The following C9 variants were observed in gnomAD, a reference collection of about 807,000 sequenced individuals.
C9 encodes the protein complement C9.
In C9, 63 loss-of-function variants were observed where a neutral mutation model predicts 65.4. The ratio of observed to expected loss-of-function variants is 0.96; its 90% CI spans 0.79 to 1.19. The LOEUF (loss-of-function observed/expected upper bound fraction) is 1.19, where lower values mean the gene tolerates loss of function less well. Among genes scored for constraint, C9 ranks in the 50% most tolerant of loss-of-function variants. The pLI is 0.00. For synonymous variants in C9, 229 were observed against 227.9 expected (o/e 1.00, Z -0.04); for missense variants, 744 against 670.1 (o/e 1.11, Z -1.22).
At chr5:39,316,289 T>C (rs1753568327) in intron 5 of C9, among the ~76,000 whole-genome samples, 2 of 152,174 alleles carry the variant, frequency 1.3e-5, no homozygotes, top group African/African-American at 2.4e-5. Flanking sequence ...AGCACAAAGG[T>C]TCTTATAAAA....
At chr5:39,313,995 A>G (rs533728250) in intron 6 of C9, among the ~76,000 whole-genome samples, 6 of 152,216 alleles carry the variant, frequency 3.9e-5, no homozygotes, top group Non-Finnish European at 7.4e-5. Context: ...GTTTGACTCT[A>G]TAATTGTCCT....
At chr5:39,362,163 A>C (rs534552577) in intron 1 of C9, among the ~76,000 whole-genome samples, 1 of 152,166 alleles carries the variant, frequency 6.6e-6, no homozygotes, top group Non-Finnish European at 1.5e-5. Flanking sequence ...AGGTATGTTG[A>C]AGTCCTAACC....
intron 1 of C9, among the ~76,000 whole-genome samples, chr5:39,350,234 G>A (rs1189816747): frequency 6.6e-6 from 1 of 152,136 alleles, no homozygotes; most frequent in Non-Finnish European, 1.5e-5. Flanking sequence ...TCCATCATGA[G>A]AACAGCAAAA....
rs927077629 is a variant in C9 at position 39,306,089 on chromosome 5, G to A, written c.1416+528C>T. On this transcript the variant is annotated intron_variant, in intron 9 of 10. Transcript: ENST00000263408. ...GAGGCATGAGAATCACTTGAACTCG[G>A]AAGGCGGAGGTTGCAGTGAGCTGAG... Among the ~76,000 whole-genome samples, 31 of 150,254 alleles carry A rather than the reference G, an allele frequency of 2.1e-4. 1 individual carries two copies. Among genetic ancestry groups the A allele is most frequent in the African/African-American group, 7.4e-4 (30 of 40,558 alleles).
intron 9 of C9, among the ~76,000 whole-genome samples, chr5:39,291,561 G>T: frequency 6.6e-6 from 1 of 151,624 alleles, no homozygotes; most frequent in East Asian, 1.9e-4. Context: ...AAAACAACAA[G>T]ATATCTTATG....
Position 39,334,755 on chromosome 5 carries a change from C to T in C9, c.477-2941G>A, listed in dbSNP as rs577169984. On this transcript the variant is annotated intron_variant, in intron 4 of 10. Coordinates refer to ENST00000263408, the MANE Select transcript of C9 (RefSeq NM_001737.5). ...CCGGGAGGTGAGGGGCGCCTCTGCCCGGCCGCCCCTACTGGGAAGTGAGGA... is the reference window on the plus strand; with the variant it reads ...CCGGGAGGTGAGGGGCGCCTCTGCCTGGCCGCCCCTACTGGGAAGTGAGGA... 6.7e-3 allele frequency among the ~76,000 whole-genome samples: 1,011 copies of T among 150,386 alleles called. 4 individuals carry two copies. The highest frequency in any genetic ancestry group is 9.6e-3 in the Non-Finnish European group (646 of 67,562).
chr5:39,343,009 A>T (rs767385046), intron 1 of C9, among the ~76,000 whole-genome samples: 8 of 152,172 alleles, frequency 5.3e-5, no homozygotes, highest in Non-Finnish European at 1.2e-4. Flanking sequence ...TACTTGCCTG[A>T]CCTGACACTG....
chr5:39,319,744 C>T (rs1753634004), intron 5 of C9, among the ~76,000 whole-genome samples: 2 of 152,300 alleles, frequency 1.3e-5, no homozygotes, highest in East Asian at 3.9e-4. Flanking sequence ...TCCAGGCCAG[C>T]CTTCATGAGT....
At chr5:39,340,460 T>C (rs566567650) in intron 4 of C9, among the ~76,000 whole-genome samples, 3 of 152,284 alleles carry the variant, frequency 2.0e-5, no homozygotes, top group African/African-American at 4.8e-5. Context: ...TCTGACTATG[T>C]ATGGAACAGA....
Position 39,341,200 on chromosome 5 carries a change from G to A in C9, c.422C>T (p.Pro141Leu). 6.2e-7 allele frequency: 1 copy of A among 1,614,156 alleles called. No homozygotes were observed. The highest frequency in any genetic ancestry group is 1.3e-5 in the African/African-American group (1 of 75,030). The change falls in exon 4 of 11, where the codon CCC (proline) becomes CTC (leucine). Residue 141 changes from proline to leucine, a missense_variant. Physicochemically the swap from Pro to Leu is moderately conservative, Grantham distance 98. Transcript: ENST00000263408. ...CTCTTCTACCACTCTGTCTCTGCAG[G>A]GGGGACGGGGCTCACTTTCACAATC... ...EDDCESEPRP[P>L]CRDRVVEESE...
chr5:39,351,723 G>A (rs1352257851), intron 1 of C9, among the ~76,000 whole-genome samples: 1 of 152,080 alleles, frequency 6.6e-6, no homozygotes, highest in East Asian at 1.9e-4. Flanking sequence ...GACCATCTCA[G>A]CCTGGATTTC....
chr5:39,355,732 T>G (rs1302488004), intron 1 of C9, among the ~76,000 whole-genome samples: 3 of 152,210 alleles, frequency 2.0e-5, no homozygotes, highest in Admixed American at 2.0e-4. Context: ...GAAATTTATT[T>G]TTTTGCAATT....
At chr5:39,362,909 A>C (rs1028044314) in intron 1 of C9, among the ~76,000 whole-genome samples, 1 of 151,938 alleles carries the variant, frequency 6.6e-6, no homozygotes, top group African/African-American at 2.4e-5. Context: ...AACCAAACCA[A>C]ACTCAGCCGT....
intron 4 of C9, 63 bp downstream of exon 4, chr5:39,341,083 A>T (rs1275701950): frequency 9.0e-6 from 14 of 1,547,778 alleles, no homozygotes; most frequent in African/African-American, 1.4e-5. Context: ...GTCTATCACA[A>T]TGAGAGAGAT....
At position 39,341,593 on chromosome 5, in the gene C9, A is replaced by G. The variant is rs1172679570; in HGVS notation, c.291T>C (p.Ala97=). 8 of 1,613,982 alleles carry G rather than the reference A, an allele frequency of 5.0e-6. No homozygotes were observed. The African/African-American group carries it at 5.3e-5, about 11-fold the overall frequency. Residue 97 remains alanine (A), a synonymous_variant, in exon 3 of 11, where the codon GCT becomes GCC. Transcript: ENST00000263408. ...QCVPTEPCED[A]EDDCGNDFQC... is the part of the protein sequence containing the mutation. Reference sequence around the variant, plus strand: ...GAAAGTCATTTCCGCAGTCATCCTCAGCATCCTCACAGGGCTCTGTGGGCA... The same window carrying G: ...GAAAGTCATTTCCGCAGTCATCCTCGGCATCCTCACAGGGCTCTGTGGGCA...
intron 5 of C9, among the ~76,000 whole-genome samples, chr5:39,318,260 G>A (rs953750120): frequency 1.5e-4 from 23 of 152,156 alleles, no homozygotes; most frequent in Admixed American, 1.5e-3. Context: ...CTGAGACAAC[G>A]GGGTTTTCTA....
chr5:39,330,075 A>T (rs989692044), intron 5 of C9, among the ~76,000 whole-genome samples: 3 of 152,206 alleles, frequency 2.0e-5, no homozygotes, highest in Admixed American at 6.5e-5. Context: ...TCAAGTCCAC[A>T]ATTCCTATCT....
intron 8 of C9, 95 bp downstream of exon 8, chr5:39,308,135 G>T: frequency 2.6e-6 from 3 of 1,141,736 alleles, no homozygotes; most frequent in South Asian, 1.2e-5. Flanking sequence ...AGCACAAAGA[G>T]GACAGACAAT....
chr5:39,333,457 A>G (rs1233766515), intron 4 of C9, among the ~76,000 whole-genome samples: 7 of 152,206 alleles, frequency 4.6e-5, no homozygotes, highest in Non-Finnish European at 1.0e-4. Context: ...CAACCTGGCT[A>G]TCCCAGTGAT....
Sources: gnomAD v4.1 joint callset for allele counts (sites outside exome capture counted in the v4.1 genomes callset) on GRCh38, gnomAD v4.1.1 for gene constraint, MANE v1.5 for transcripts, NCBI Gene and HGNC (gene_info 2026-07-23, HGNC 2026-07-21) for gene names.